The following VPS13B variants were observed in gnomAD, a reference collection of about 807,000 sequenced individuals.
VPS13B encodes intermembrane lipid transfer protein VPS13B.
In VPS13B, 285 loss-of-function variants were observed where a neutral mutation model predicts 426.4. That is an observed-to-expected ratio of 0.67 (90% CI 0.61 to 0.74). The LOEUF (loss-of-function observed/expected upper bound fraction) is 0.74, where lower values mean the gene tolerates loss of function less well. Ranked by LOEUF, VPS13B falls within the 30% of genes least tolerant of loss-of-function variation. The probability of loss-of-function intolerance (pLI) is 0.00; values close to 1 mark genes in which losing one functional copy is unlikely to be tolerated. For synonymous variants in VPS13B, 1,676 were observed against 1,676.4 expected (o/e 1.00, Z 0.01); for missense variants, 4,537 against 4,782.6 (o/e 0.95, Z 1.51).
chr8:99,293,590 T>C (rs1391010027), intron 19 of VPS13B, among the ~76,000 whole-genome samples: 1 of 126,572 alleles, frequency 7.9e-6, no homozygotes, highest in African/African-American at 3.0e-5. Context: ...GAAACTACCA[T>C]CAGAGTGAAC....
chr8:99,084,993 A>G (rs554110436), intron 3 of VPS13B, among the ~76,000 whole-genome samples: 2 of 102,938 alleles, frequency 1.9e-5, no homozygotes, highest in Admixed American at 1.8e-4. Flanking sequence ...AGTTGAGTTC[A>G]ATTCCTGGAT....
chr8:99,076,522 A>G (rs1157451736), intron 3 of VPS13B, among the ~76,000 whole-genome samples: 2 of 151,536 alleles, frequency 1.3e-5, no homozygotes, highest in Admixed American at 1.3e-4. Context: ...TCTGCTTTGT[A>G]TATCTGAGCA....
At chr8:99,163,335 A>T (rs1392551524) in intron 15 of VPS13B, among the ~76,000 whole-genome samples, 3 of 152,226 alleles carry the variant, frequency 2.0e-5, no homozygotes, top group African/African-American at 7.2e-5. Context: ...AGCTGGCTTC[A>T]CCTAGTGGAT....
chr8:99,109,045 G>A (rs1847204602), intron 5 of VPS13B, among the ~76,000 whole-genome samples: 1 of 152,024 alleles, frequency 6.6e-6, no homozygotes, highest in Non-Finnish European at 1.5e-5. Context: ...CTTTGAATAA[G>A]CTTCCTAACC....
intron 39 of VPS13B, among the ~76,000 whole-genome samples, chr8:99,722,699 G>T (rs748753871): frequency 6.6e-6 from 1 of 151,936 alleles, no homozygotes; most frequent in Non-Finnish European, 1.5e-5. Context: ...AGTAGAGATG[G>T]GGTTTCACCA....
rs1482515183 is a variant in VPS13B, at chr8:99,417,428, C to T, written c.3083-14109C>T. On this transcript the variant is annotated intron_variant, in intron 21 of 61. Coordinates refer to ENST00000357162, the MANE Select transcript of VPS13B (RefSeq NM_152564.5). ...ATAAAATATTGGAAAACAGTGACAGCCTGTTGCAGATATAAGCAAAAAACT... is the reference window on the plus strand; with the variant it reads ...ATAAAATATTGGAAAACAGTGACAGTCTGTTGCAGATATAAGCAAAAAACT... Among the ~76,000 whole-genome samples the T allele has an allele frequency of 2.0e-5, 3 of 152,134 alleles. No homozygotes were observed. In the East Asian group the frequency reaches 5.8e-4, roughly 29 times the overall value.
At chr8:99,722,314 T>G (rs1310386442) in intron 39 of VPS13B, among the ~76,000 whole-genome samples, 14 of 152,210 alleles carry the variant, frequency 9.2e-5, no homozygotes, top group Admixed American at 9.2e-4. Context: ...AATTATGCAT[T>G]TGTTTACTTG....
At chr8:99,695,698 T>TA (rs1202493759) in intron 35 of VPS13B, among the ~76,000 whole-genome samples, 2,907 of 60,392 alleles carry the variant, frequency 0.048, 77 homozygotes, top group African/African-American at 0.11. Context: ...TAAAGTATAA[T>TA]AAAAAAAAAA....
intron 40 of VPS13B, among the ~76,000 whole-genome samples, chr8:99,768,376 G>A (rs187025631): frequency 1.3e-5 from 2 of 152,144 alleles, no homozygotes; most frequent in Admixed American, 6.5e-5. Flanking sequence ...GCCCATATGT[G>A]TACACGCTTT....
intron 35 of VPS13B, among the ~76,000 whole-genome samples, chr8:99,673,124 C>G (rs1830786939): frequency 6.6e-6 from 1 of 152,012 alleles, no homozygotes; most frequent in African/African-American, 2.4e-5. Flanking sequence ...GTTTTCATAT[C>G]AGGCTAATAC....
chr8:99,743,664 T>G (rs1422518980), intron 39 of VPS13B, among the ~76,000 whole-genome samples: 2 of 151,974 alleles, frequency 1.3e-5, no homozygotes, highest in African/African-American at 4.8e-5. Context: ...TCAGAAATAA[T>G]GCAGCAGCGT....
At position 99,706,652 on chromosome 8, in the gene VPS13B, C is replaced by G. The variant is rs373230744; in HGVS notation, c.6454+6720C>G. The stretch of plus-strand genomic sequence containing the variant: ...ATCTAGACTGTTTGCTAGAAAACTG[C>G]TGGCCTCAGGGTATTTGTTTTAGAA... On this transcript the variant is annotated intron_variant, in intron 36 of 61. Coordinates refer to ENST00000357162, the MANE Select transcript of VPS13B (RefSeq NM_152564.5). Among the ~76,000 whole-genome samples, 17 of 152,242 alleles carry G rather than the reference C, an allele frequency of 1.1e-4. No individual in the cohort carries two copies. The East Asian group carries it at 1.5e-3, about 14-fold the overall frequency.
chr8:99,111,860 T>A (rs745760141), intron 6 of VPS13B, among the ~76,000 whole-genome samples: 3 of 152,174 alleles, frequency 2.0e-5, no homozygotes, highest in Non-Finnish European at 2.9e-5. Flanking sequence ...GTATATTGTG[T>A]GATGCTTAGG....
intron 33 of VPS13B, among the ~76,000 whole-genome samples, chr8:99,629,917 A>G (rs1828770225): frequency 6.6e-6 from 1 of 152,166 alleles, no homozygotes; most frequent in Admixed American, 6.5e-5. Context: ...GCACATTTTT[A>G]TCGCATTAAT....
At chr8:99,270,129 A>ATGTTTTTTTTTTT (rs1370378172) in intron 17 of VPS13B, among the ~76,000 whole-genome samples, 1 of 16,826 alleles carries the variant, frequency 5.9e-5, no homozygotes, top group Non-Finnish European at 1.5e-4. Context: ...AGATATAAGA[A>ATGTTTTTTTTTTT]TCTTTTTTTT....
chr8:99,326,452 C>CTTTTTTTT (rs747097247), intron 19 of VPS13B, among the ~76,000 whole-genome samples: 4,931 of 32,472 alleles, frequency 0.15, 1,939 homozygotes, highest in Non-Finnish European at 0.18. Context: ...CTCTAGGTAG[C>CTTTTTTTT]TTTTTTTTTT....
chr8:99,358,044 CTT>C (rs1812284214), intron 19 of VPS13B, among the ~76,000 whole-genome samples: 1 of 151,812 alleles, frequency 6.6e-6, no homozygotes, highest in Non-Finnish European at 1.5e-5. Flanking sequence ...ACCACACACA[CTT>C]AATATATGTG....
chr8:99,830,373 A>G (rs977213281), intron 51 of VPS13B, among the ~76,000 whole-genome samples: 8 of 152,154 alleles, frequency 5.3e-5, no homozygotes, highest in African/African-American at 9.7e-5. Flanking sequence ...CCCAGTCCGA[A>G]CTTTCTGGAG....
chr8:99,207,630 CTT>C (rs1358559414), intron 17 of VPS13B, among the ~76,000 whole-genome samples: 2 of 151,976 alleles, frequency 1.3e-5, no homozygotes, highest in Non-Finnish European at 1.5e-5. Flanking sequence ...TACAGAAAGT[CTT>C]TTATGAACAT....
Sources: gnomAD v4.1 joint callset for allele counts (sites outside exome capture counted in the v4.1 genomes callset) on GRCh38, gnomAD v4.1.1 for gene constraint, MANE v1.5 for transcripts, NCBI Gene and HGNC (gene_info 2026-07-23, HGNC 2026-07-21) for gene names.